Variants in NBAS observed in about 807,000 individuals in gnomAD.
NBAS encodes the protein NBAS subunit of NRZ tethering complex.
In NBAS, 219 loss-of-function variants were observed where a neutral mutation model predicts 302.5. That is an observed-to-expected ratio of 0.72 (90% CI 0.65 to 0.81). NBAS has a LOEUF of 0.81. Among genes scored for constraint, NBAS ranks in the 30% least tolerant of loss-of-function variants. The pLI, the probability that NBAS is intolerant of heterozygous loss-of-function variation, is 0.00. For missense variants in NBAS, 2,932 were observed against 2,841.6 expected (o/e 1.03, Z -0.72); for synonymous variants, 1,118 against 1,021.6 (o/e 1.09, Z -1.80).
intron 22 of NBAS, 134 bp from the exon 23 acceptor site, chr2:15,424,602 T>C: frequency 1.0e-6 from 1 of 958,372 alleles, no homozygotes. Flanking sequence ...GGTTTGTGTA[T>C]CTATCACATG....
intron 44 of NBAS, among the ~76,000 whole-genome samples, chr2:15,259,576 G>C (rs1213137010): frequency 2.0e-5 from 3 of 152,176 alleles, no homozygotes; most frequent in Non-Finnish European, 4.4e-5. Context: ...ACCACCTAGT[G>C]TGTTTCCTGA....
chr2:15,209,445 C>T (rs1019792703), intron 48 of NBAS, among the ~76,000 whole-genome samples: 2 of 151,892 alleles, frequency 1.3e-5, no homozygotes, highest in African/African-American at 2.4e-5. Flanking sequence ...ATTCTAAAAG[C>T]CCAGTATTAC....
At chr2:15,528,885 A>ATATATATGTGTGTG (rs1553333192) in intron 9 of NBAS, among the ~76,000 whole-genome samples, 1 of 123,212 alleles carries the variant, frequency 8.1e-6, no homozygotes, top group African/African-American at 3.2e-5. Flanking sequence ...AAAAATATAT[A>ATATATATGTGTGTG]TATATATATA....
chr2:14,798,852 G>T, the NBAS span, among the ~76,000 whole-genome samples: 3 of 151,882 alleles, frequency 2.0e-5, no homozygotes, highest in South Asian at 6.2e-4. Context: ...AAATTTATTG[G>T]CATAAAGTTA....
At chr2:15,215,351 C>T (rs900670782) in intron 48 of NBAS, among the ~76,000 whole-genome samples, 9 of 152,164 alleles carry the variant, frequency 5.9e-5, no homozygotes, top group Admixed American at 3.3e-4. Flanking sequence ...TTTGCAGGAG[C>T]TGGCTGGTTT....
At chr2:15,478,635 T>A (rs536799769) in intron 12 of NBAS, among the ~76,000 whole-genome samples, 2 of 152,272 alleles carry the variant, frequency 1.3e-5, no homozygotes, top group South Asian at 4.2e-4. Context: ...TGGATACAGA[T>A]CTTATCCCAG....
In NBAS at chr2:15,383,251, A is replaced by C. The variant is rs1168273205; in HGVS notation, c.3324T>G (p.Asn1108Lys). The change falls in exon 29 of 52, where the codon AAT becomes AAG. Residue 1108 changes from asparagine to lysine, a missense_variant. Coordinates refer to ENST00000281513, the MANE Select transcript of NBAS (RefSeq NM_015909.4). ...LLQDMLTMQQNVYTCLDSDAC... is the reference protein window; with the variant it reads ...LLQDMLTMQQKVYTCLDSDAC... ...CATCAGAATCTAGACATGTGTATAC[A>C]TTCTGCTGCATAGTTAACATGTCTT... 1 of 1,614,118 alleles carries C rather than the reference A, an allele frequency of 6.2e-7. No homozygotes were observed. The highest frequency in any genetic ancestry group is 1.1e-5 in the South Asian group (1 of 91,090).
chr2:15,508,270 A>G (rs1387304786), intron 10 of NBAS, among the ~76,000 whole-genome samples: 2 of 152,222 alleles, frequency 1.3e-5, no homozygotes, highest in Non-Finnish European at 2.9e-5. Context: ...CCGAAGCCTC[A>G]GGCCACAAGG....
the NBAS span, among the ~76,000 whole-genome samples, chr2:15,101,710 T>C: frequency 0.079 from 12,072 of 152,170 alleles, 762 homozygotes; most frequent in African/African-American, 0.18. Context: ...TCAATATTCA[T>C]TCAGTATCAG....
the NBAS span, among the ~76,000 whole-genome samples, chr2:14,893,240 C>T: frequency 1.3e-5 from 2 of 152,262 alleles, no homozygotes; most frequent in East Asian, 3.9e-4. Context: ...TTTTTATTCC[C>T]TCTTTTCCTT....
At chr2:15,213,792 A>C (rs10183588) in intron 48 of NBAS, among the ~76,000 whole-genome samples, 73,349 of 152,058 alleles carry the variant, frequency 0.48, 19,234 homozygotes, top group African/African-American at 0.7. Context: ...AGCAAGGAAC[A>C]CATTGTTCAT....
At chr2:14,848,386 C>A in the NBAS span, among the ~76,000 whole-genome samples, 5 of 139,772 alleles carry the variant, frequency 3.6e-5, no homozygotes, top group Non-Finnish European at 6.0e-5. Context: ...AAAAACGGCG[C>A]ACCACGAGAC....
intron 22 of NBAS, 126 bp from the exon 23 acceptor site, chr2:15,424,594 T>TTC: frequency 9.4e-7 from 1 of 1,064,136 alleles, no homozygotes; most frequent in South Asian, 1.3e-5. Context: ...ATGTATGTGG[T>TTC]TTGTGTATCT....
the NBAS span, among the ~76,000 whole-genome samples, chr2:14,783,649 C>A: frequency 6.6e-6 from 1 of 151,704 alleles, no homozygotes; most frequent in East Asian, 1.9e-4. Context: ...AGGACATGAA[C>A]TCATCGTTTT....
intron 45 of NBAS, among the ~76,000 whole-genome samples, chr2:15,237,066 TAAAAG>T: frequency 6.6e-6 from 1 of 152,148 alleles, no homozygotes; most frequent in South Asian, 2.1e-4. Flanking sequence ...TTAAGAAAAA[TAAAAG>T]AGGAGGTTAA....
At chr2:15,302,088 A>G (rs1038017367) in intron 40 of NBAS, among the ~76,000 whole-genome samples, 1 of 152,236 alleles carries the variant, frequency 6.6e-6, no homozygotes, top group Non-Finnish European at 1.5e-5. Flanking sequence ...GTGAAGAACT[A>G]TGAAAGACTG....
the NBAS span, among the ~76,000 whole-genome samples, chr2:14,919,345 A>G: frequency 6.6e-6 from 1 of 152,238 alleles, no homozygotes; most frequent in South Asian, 2.1e-4. Context: ...GTGCTAAAAA[A>G]TACTAGTGAT....
At chr2:15,510,384 A>T (rs915013489) in intron 10 of NBAS, among the ~76,000 whole-genome samples, 1 of 152,188 alleles carries the variant, frequency 6.6e-6, no homozygotes, top group Non-Finnish European at 1.5e-5. Flanking sequence ...TCCACCTATT[A>T]TCTCTCCCTT....
intron 51 of NBAS, chr2:15,177,949 T>C: frequency 3.1e-6 from 1 of 322,792 alleles, no homozygotes; most frequent in Non-Finnish European, 6.2e-6. Context: ...AATAAAGGCA[T>C]TTGATTTTCT....
Sources: allele counts gnomAD v4.1 joint callset (sites outside exome capture counted in the v4.1 genomes callset), GRCh38; gene constraint gnomAD v4.1.1; transcripts MANE v1.5; gene names NCBI Gene and HGNC (gene_info 2026-07-23, HGNC 2026-07-21).